The following WDR7 variants were observed in gnomAD, a reference collection of about 807,000 sequenced individuals.
WDR7 encodes the protein WD repeat-containing protein 7.
Under a neutral mutation model 169.4 loss-of-function variants are expected in WDR7, and 46 were observed. That is an observed-to-expected ratio of 0.27 (90% CI 0.21 to 0.35). WDR7 has a LOEUF of 0.35. Among genes scored for constraint, WDR7 ranks in the 10% least tolerant of loss-of-function variants. The pLI, the probability that WDR7 is intolerant of heterozygous loss-of-function variation, is 1.00. For missense variants in WDR7, 1,534 were observed against 1,859.3 expected, an observed-to-expected ratio of 0.83 and a Z score of 3.22; for synonymous variants, 612 against 666.8, an observed-to-expected ratio of 0.92 and a Z score of 1.27.
chr18:56,781,890 C>A, intron 19 of WDR7: 1 of 330,946 alleles, frequency 3.0e-6, no homozygotes, highest in Non-Finnish European at 5.2e-6. Context: ...AATGAACTGA[C>A]TTTTATAAAT....
Position 56,718,176 on chromosome 18 carries a change from A to G in WDR7, c.1774+17A>G. ...TGGATACTGGTAAGAACAAGTATGA[A>G]GAGATACTATAGAAAATTAAATGGG... On this transcript the variant is annotated intron_variant, in intron 13 of 27. Coordinates refer to ENST00000254442, the MANE Select transcript of WDR7 (RefSeq NM_015285.3). 1 of 1,526,420 alleles carries G rather than the reference A, an allele frequency of 6.6e-7. No individual in the cohort carries two copies. Among genetic ancestry groups the G allele is most frequent in the Non-Finnish European group, 8.8e-7 (1 of 1,136,090 alleles). 94.6% of individuals were successfully genotyped at this position (1,526,420 alleles called of 1,614,324 possible). A position where few individuals can be genotyped will look rare whatever the true frequency, so the allele number is the denominator to read the frequency against.
intron 12 of WDR7, among the ~76,000 whole-genome samples, chr18:56,716,065 G>A (rs1256148768): frequency 1.3e-5 from 2 of 148,812 alleles, no homozygotes; most frequent in African/African-American, 5.0e-5. Flanking sequence ...GTGTGTGTGT[G>A]TATTTACCCA....
Position 56,700,730 on chromosome 18 carries a change from C to T in WDR7, c.1578+4268C>T, listed in dbSNP as rs373885954. 6.0e-5 allele frequency among the ~76,000 whole-genome samples: 9 copies of T among 150,518 alleles called. No individual in the cohort carries two copies. The East Asian group carries it at 1.2e-3, about 20-fold the overall frequency. On this transcript the variant is annotated intron_variant, in intron 12 of 27. Transcript: ENST00000254442. ...GACTACAGGCGCCCGCTACCACGCCCGGCTAATTTTTTGTATTTTTAGTAG... is the reference window on the plus strand; with the variant it reads ...GACTACAGGCGCCCGCTACCACGCCTGGCTAATTTTTTGTATTTTTAGTAG...
intron 19 of WDR7, among the ~76,000 whole-genome samples, chr18:56,804,474 T>A (rs1599058059): frequency 6.6e-6 from 1 of 152,342 alleles, no homozygotes; most frequent in South Asian, 2.1e-4. Context: ...CACTTCATAG[T>A]CCACTTCACA....
chr18:56,940,968 G>A (rs2047028802), intron 25 of WDR7, among the ~76,000 whole-genome samples: 1 of 152,220 alleles, frequency 6.6e-6, no homozygotes, highest in Non-Finnish European at 1.5e-5. Context: ...GGTTCTGCTA[G>A]AATGCTAAGG....
At chr18:57,036,164 T>G in the WDR7 span, 1,100 of 152,404 alleles carry the variant, frequency 7.2e-3, 9 homozygotes, top group Non-Finnish European at 0.011. Context: ...TTCTGTTATG[T>G]TTCCCCCAGA....
chr18:56,761,547 T>C (rs2043980907), intron 16 of WDR7, among the ~76,000 whole-genome samples: 1 of 152,170 alleles, frequency 6.6e-6, no homozygotes, highest in Non-Finnish European at 1.5e-5. Flanking sequence ...GTGATTTTAA[T>C]TGCAGTTATA....
chr18:56,684,241 A>C (rs761659338), intron 5 of WDR7, among the ~76,000 whole-genome samples: 6 of 152,174 alleles, frequency 3.9e-5, no homozygotes, highest in Non-Finnish European at 5.9e-5. Context: ...GAGTGGCAGG[A>C]TATAAGGCTG....
chr18:56,842,031 A>G (rs989814101), intron 20 of WDR7, among the ~76,000 whole-genome samples: 5 of 152,124 alleles, frequency 3.3e-5, no homozygotes, highest in East Asian at 3.9e-4. Flanking sequence ...ATCATACTCA[A>G]TGCTTTTCAT....
intron 26 of WDR7, among the ~76,000 whole-genome samples, chr18:56,994,001 C>G (rs1467349499): frequency 2.7e-5 from 4 of 147,968 alleles, no homozygotes; most frequent in African/African-American, 1.0e-4. Flanking sequence ...TTTTTTCATC[C>G]ATTACTTTTT....
At chr18:56,770,988 T>C (rs889514806) in intron 16 of WDR7, among the ~76,000 whole-genome samples, 2 of 152,224 alleles carry the variant, frequency 1.3e-5, no homozygotes, top group Non-Finnish European at 2.9e-5. Context: ...CATGACTAAA[T>C]ATATTTACTT....
intron 13 of WDR7, among the ~76,000 whole-genome samples, chr18:56,728,209 C>A (rs935792599): frequency 2.0e-5 from 3 of 152,138 alleles, no homozygotes; most frequent in Non-Finnish European, 4.4e-5. Context: ...TGTTTTTTGG[C>A]TTCTTCACTG....
At chr18:56,858,395 T>C (rs2045754452) in intron 20 of WDR7, among the ~76,000 whole-genome samples, 1 of 152,214 alleles carries the variant, frequency 6.6e-6, no homozygotes, top group South Asian at 2.1e-4. Context: ...TTGTCATTGC[T>C]TTTAGAATAT....
At chr18:56,766,561 AT>A (rs559596160) in intron 16 of WDR7, among the ~76,000 whole-genome samples, 11 of 151,010 alleles carry the variant, frequency 7.3e-5, no homozygotes, top group Non-Finnish European at 1.0e-4. Context: ...ATTTATTTTT[AT>A]TTTTTTTTAT....
At chr18:56,906,881 T>A (rs1300276330) in intron 21 of WDR7, among the ~76,000 whole-genome samples, 5 of 152,192 alleles carry the variant, frequency 3.3e-5, no homozygotes, top group African/African-American at 1.2e-4. Flanking sequence ...GCATTTTGCA[T>A]AATGAAAAAG....
At chr18:56,909,859 G>A (rs1416352042) in intron 21 of WDR7, among the ~76,000 whole-genome samples, 3 of 152,112 alleles carry the variant, frequency 2.0e-5, no homozygotes, top group Admixed American at 6.6e-5. Context: ...AGTTATATTT[G>A]AGGGAAAACT....
intron 22 of WDR7, among the ~76,000 whole-genome samples, chr18:56,929,872 A>G (rs1197667265): frequency 6.6e-6 from 1 of 152,218 alleles, no homozygotes; most frequent in Non-Finnish European, 1.5e-5. Context: ...GGTCATGTAC[A>G]TATTGATTGA....
chr18:56,784,561 G>T (rs1282568646), intron 19 of WDR7, among the ~76,000 whole-genome samples: 1 of 152,132 alleles, frequency 6.6e-6, no homozygotes, highest in Non-Finnish European at 1.5e-5. Context: ...GCTTGCTCTG[G>T]CATCCTTGGA....
At chr18:56,680,674 A>G (rs1007324023) in intron 3 of WDR7, among the ~76,000 whole-genome samples, 2 of 152,226 alleles carry the variant, frequency 1.3e-5, no homozygotes, top group African/African-American at 4.8e-5. Flanking sequence ...TCAATGTTAT[A>G]TCTTTCAATC....
Sources: gnomAD v4.1 joint callset for allele counts (sites outside exome capture counted in the v4.1 genomes callset) on GRCh38, gnomAD v4.1.1 for gene constraint, MANE v1.5 for transcripts, NCBI Gene and HGNC (gene_info 2026-07-23, HGNC 2026-07-21) for gene names.